The following ROR1 variants were observed in gnomAD, a reference collection of about 807,000 sequenced individuals.
ROR1 encodes inactive tyrosine-protein kinase transmembrane receptor ROR1.
Under a neutral mutation model 78.8 loss-of-function variants are expected in ROR1, and 19 were observed. That is an observed-to-expected ratio of 0.24 (90% CI 0.17 to 0.35). The LOEUF is 0.35. Ranked by LOEUF, ROR1 falls within the 10% of genes least tolerant of loss-of-function variation. The pLI is 1.00. For synonymous variants in ROR1, 386 were observed against 433.6 expected (o/e 0.89, Z 1.36); for missense variants, 917 against 1,177.8 (o/e 0.78, Z 3.24).
chr1:63,890,873 T>C (rs1045346710), intron 1 of ROR1, among the ~76,000 whole-genome samples: 1 of 152,176 alleles, frequency 6.6e-6, no homozygotes. Context: ...TCTACGGCCA[T>C]ACCACGCTGA....
chr1:64,111,290 T>C (rs1301328695), intron 4 of ROR1: 1 of 152,210 alleles, frequency 6.6e-6, no homozygotes, highest in African/African-American at 2.4e-5. Flanking sequence ...AGCTTTGTTA[T>C]CTGCTGAGAT....
intron 1 of ROR1, among the ~76,000 whole-genome samples, chr1:63,844,974 C>A (rs772369521): frequency 1.3e-5 from 2 of 152,136 alleles, no homozygotes; most frequent in Non-Finnish European, 2.9e-5. Context: ...CTTTTGAAGT[C>A]TTCCAGTTGT....
intron 4 of ROR1, among the ~76,000 whole-genome samples, chr1:64,051,700 G>A (rs1646833830): frequency 6.6e-6 from 1 of 151,828 alleles, no homozygotes; most frequent in African/African-American, 2.4e-5. Context: ...TCTACTTGGG[G>A]CATTTTTCTT....
intron 1 of ROR1, among the ~76,000 whole-genome samples, chr1:63,922,671 A>G (rs548921128): frequency 1.2e-4 from 19 of 152,156 alleles, no homozygotes; most frequent in Admixed American, 2.6e-4. Flanking sequence ...TCTTTTTAGT[A>G]TTGATGATGA....
chr1:63,857,226 A>C (rs942955029), intron 1 of ROR1, among the ~76,000 whole-genome samples: 3 of 151,964 alleles, frequency 2.0e-5, no homozygotes, highest in Non-Finnish European at 4.4e-5. Flanking sequence ...ATCTCTCTTA[A>C]ATTTCTAGAT....
intron 2 of ROR1, among the ~76,000 whole-genome samples, chr1:64,036,606 T>A (rs1473940764): frequency 6.6e-6 from 1 of 152,222 alleles, no homozygotes; most frequent in African/African-American, 2.4e-5. Flanking sequence ...TCATTGCTTT[T>A]ACTTCCTAGC....
At chr1:63,902,176 A>G (rs1645490345) in intron 1 of ROR1, among the ~76,000 whole-genome samples, 1 of 152,210 alleles carries the variant, frequency 6.6e-6, no homozygotes, top group South Asian at 2.1e-4. Flanking sequence ...TTCTTTGTTC[A>G]TAGCTATTTA....
At chr1:64,014,204 G>A (rs1206960837) in intron 2 of ROR1, among the ~76,000 whole-genome samples, 1 of 152,144 alleles carries the variant, frequency 6.6e-6, no homozygotes, top group Non-Finnish European at 1.5e-5. Context: ...GGGCTTTAAT[G>A]CCTTCCTCTT....
intron 1 of ROR1, among the ~76,000 whole-genome samples, chr1:63,967,387 TCC>T (rs1215715592): frequency 1.3e-5 from 2 of 152,098 alleles, no homozygotes; most frequent in African/African-American, 4.8e-5. Flanking sequence ...CTTTACTGGC[TCC>T]TCTTACTTTT....
chr1:64,066,723 G>A (rs530639960), intron 4 of ROR1: 7 of 152,492 alleles, frequency 4.6e-5, no homozygotes, highest in African/African-American at 1.7e-4. Flanking sequence ...TTGTAAACAC[G>A]ATGGCACTTG....
At chr1:64,061,709 A>AG (rs1255440529) in intron 4 of ROR1, among the ~76,000 whole-genome samples, 1 of 152,194 alleles carries the variant, frequency 6.6e-6, no homozygotes, top group Non-Finnish European at 1.5e-5. Context: ...CTAGTTCACT[A>AG]GCCAGTGACC....
chr1:64,006,362 C>CTTCA, intron 1 of ROR1, among the ~76,000 whole-genome samples: 1 of 152,226 alleles, frequency 6.6e-6, no homozygotes, highest in East Asian at 1.9e-4. Flanking sequence ...CATAGGTGAA[C>CTTCA]CGCAGCAGTC....
chr1:63,961,127 C>CT (rs376481147), intron 1 of ROR1, among the ~76,000 whole-genome samples: 12 of 151,058 alleles, frequency 7.9e-5, no homozygotes, highest in African/African-American at 1.5e-4. Context: ...GACATTCCCT[C>CT]TTTTTTTTTA....
At chr1:63,914,863 G>A (rs1209440116) in intron 1 of ROR1, among the ~76,000 whole-genome samples, 1 of 152,054 alleles carries the variant, frequency 6.6e-6, no homozygotes, top group Non-Finnish European at 1.5e-5. Context: ...ATGCACCTTG[G>A]CTGATGGACA....
chr1:63,872,572 A>G (rs1158515763), intron 1 of ROR1, among the ~76,000 whole-genome samples: 1 of 152,136 alleles, frequency 6.6e-6, no homozygotes, highest in Non-Finnish European at 1.5e-5. Flanking sequence ...AAAGATATAC[A>G]CACCACCAAG....
intron 2 of ROR1, among the ~76,000 whole-genome samples, chr1:64,023,033 AC>A (rs1177749038): frequency 6.6e-6 from 1 of 152,228 alleles, no homozygotes; most frequent in Non-Finnish European, 1.5e-5. Context: ...TATTGAAGAC[AC>A]GAGCTCAGGG....
At chr1:63,786,118 C>G (rs1644683371) in intron 1 of ROR1, among the ~76,000 whole-genome samples, 1 of 152,054 alleles carries the variant, frequency 6.6e-6, no homozygotes, top group African/African-American at 2.4e-5. Context: ...TAGGACTGTG[C>G]TCCGGGCCTC....
chr1:64,169,990 C>T (rs929323522), intron 8 of ROR1, among the ~76,000 whole-genome samples: 6 of 152,160 alleles, frequency 3.9e-5, no homozygotes, highest in African/African-American at 7.2e-5. Flanking sequence ...GGTAGAGTAC[C>T]CCTCCTGGCT....
intron 1 of ROR1, among the ~76,000 whole-genome samples, chr1:63,935,414 G>A (rs972639155): frequency 6.6e-6 from 1 of 152,216 alleles, no homozygotes; most frequent in African/African-American, 2.4e-5. Flanking sequence ...CAGAGACAGA[G>A]TGAAATGGTC....
Sources: gnomAD v4.1 joint callset for allele counts (sites outside exome capture counted in the v4.1 genomes callset) on GRCh38, gnomAD v4.1.1 for gene constraint, MANE v1.5 for transcripts, NCBI Gene and HGNC (gene_info 2026-07-23, HGNC 2026-07-21) for gene names.